RBFOX1: variants seen among roughly 807,000 people sequenced by gnomAD.
RBFOX1 encodes the protein RNA binding fox-1 homolog 1, also known as RNA binding protein fox-1 homolog 1.
A neutral mutation model predicts 57.7 loss-of-function variants in RBFOX1; 8 were observed. The observed-to-expected ratio is 0.14, with a 90% CI of 0.08 to 0.25. The LOEUF is 0.25. Ranked by LOEUF, RBFOX1 falls within the 10% of genes least tolerant of loss-of-function variation. The pLI, the probability that RBFOX1 is intolerant of heterozygous loss-of-function variation, is 1.00. For missense variants in RBFOX1, 611 were observed against 548.5 expected, an observed-to-expected ratio of 1.11 and a Z score of -1.14; for synonymous variants, 326 against 222.4, an observed-to-expected ratio of 1.47 and a Z score of -4.15.
At chr16:6,864,255 C>T (rs955265316) in intron 3 of RBFOX1, among the ~76,000 whole-genome samples, 3 of 152,072 alleles carry the variant, frequency 2.0e-5, no homozygotes, top group Non-Finnish European at 4.4e-5. Context: ...ATAACTCTTC[C>T]ACATTTAGAC....
intron 4 of RBFOX1, among the ~76,000 whole-genome samples, chr16:7,389,850 T>C (rs1339036244): frequency 2.0e-5 from 3 of 152,090 alleles, no homozygotes; most frequent in East Asian, 3.9e-4. Context: ...CCCTGCAAAA[T>C]CCATGAGTCC....
intron 4 of RBFOX1, among the ~76,000 whole-genome samples, chr16:7,215,366 C>T (rs1039796756): frequency 2.0e-5 from 3 of 152,166 alleles, no homozygotes; most frequent in African/African-American, 2.4e-5. Flanking sequence ...GACACCTGCA[C>T]ATGTATGTTT....
chr16:5,819,329 G>C (rs990493194), intron 3 of RBFOX1, among the ~76,000 whole-genome samples: 1 of 152,132 alleles, frequency 6.6e-6, no homozygotes. Flanking sequence ...CCTGTGACCT[G>C]ACCACCTCCC....
chr16:5,667,610 G>A (rs931546573), intron 3 of RBFOX1, among the ~76,000 whole-genome samples: 2 of 152,136 alleles, frequency 1.3e-5, no homozygotes, highest in Admixed American at 1.3e-4. Context: ...TATCTTGCTT[G>A]TATATTCGGG....
chr16:7,601,016 G>A (rs2094986433), intron 9 of RBFOX1, among the ~76,000 whole-genome samples: 1 of 152,140 alleles, frequency 6.6e-6, no homozygotes, highest in South Asian at 2.1e-4. Context: ...TGTTCTTTGG[G>A]GATCAAATGT....
chr16:6,853,573 T>C (rs116859716), intron 3 of RBFOX1, among the ~76,000 whole-genome samples: 1,796 of 151,962 alleles, frequency 0.012, 21 homozygotes, highest in Non-Finnish European at 0.019. Flanking sequence ...TGAGGGAGGT[T>C]AGCAAACGGA....
chr16:7,528,182 T>A (rs1228947767), intron 5 of RBFOX1, among the ~76,000 whole-genome samples: 1 of 152,222 alleles, frequency 6.6e-6, no homozygotes, highest in Non-Finnish European at 1.5e-5. Flanking sequence ...TAATGTTTCC[T>A]TAGGGGGCTT....
chr16:7,688,260 T>TGTGTGTGTGTGA (rs1319185243), intron 14 of RBFOX1, among the ~76,000 whole-genome samples: 8 of 125,296 alleles, frequency 6.4e-5, no homozygotes, highest in Non-Finnish European at 1.2e-4. Flanking sequence ...TGTGTGTGTG[T>TGTGTGTGTGTGA]GAGAGAGAGA....
chr16:7,538,253 T>A (rs1461487762), intron 5 of RBFOX1, among the ~76,000 whole-genome samples: 1 of 152,146 alleles, frequency 6.6e-6, no homozygotes, highest in Non-Finnish European at 1.5e-5. Context: ...CATGAGTCCT[T>A]CCGCCATCAA....
At chr16:5,587,934 A>G (rs2046886927) in intron 2 of RBFOX1, among the ~76,000 whole-genome samples, 1 of 152,138 alleles carries the variant, frequency 6.6e-6, no homozygotes, top group Non-Finnish European at 1.5e-5. Flanking sequence ...ATTATTTTTC[A>G]TAGCCAAAAG....
intron 4 of RBFOX1, among the ~76,000 whole-genome samples, chr16:7,413,451 CTT>C (rs955775672): frequency 3.2e-4 from 49 of 152,232 alleles, no homozygotes; most frequent in African/African-American, 1.1e-3. Flanking sequence ...GGCCCAGAAA[CTT>C]TGCATTTCTC....
chr16:5,579,103 C>A (rs2046572287), intron 2 of RBFOX1, among the ~76,000 whole-genome samples: 1 of 152,130 alleles, frequency 6.6e-6, no homozygotes, highest in Non-Finnish European at 1.5e-5. Context: ...CTGCCTCAGC[C>A]TCCCAAAGTG....
intron 4 of RBFOX1, among the ~76,000 whole-genome samples, chr16:7,097,211 A>G (rs1387886472): frequency 6.6e-6 from 1 of 152,102 alleles, no homozygotes; most frequent in African/African-American, 2.4e-5. Context: ...AGAGTTAGGA[A>G]ACTGCTATGA....
At chr16:6,598,238 C>A (rs1011764893) in intron 2 of RBFOX1, among the ~76,000 whole-genome samples, 2 of 152,154 alleles carry the variant, frequency 1.3e-5, no homozygotes, top group Non-Finnish European at 1.5e-5. Flanking sequence ...TTCTAACTTG[C>A]CTTTTTTTCA....
At chr16:5,545,912 T>C (rs1381212747) in intron 2 of RBFOX1, among the ~76,000 whole-genome samples, 1 of 152,162 alleles carries the variant, frequency 6.6e-6, no homozygotes, top group Non-Finnish European at 1.5e-5. Context: ...TAGCAAGATC[T>C]ATTATAAAAT....
At chr16:6,047,719 A>G (rs1259123150) in intron 1 of RBFOX1, among the ~76,000 whole-genome samples, 1 of 152,214 alleles carries the variant, frequency 6.6e-6, no homozygotes, top group Non-Finnish European at 1.5e-5. Context: ...TGACAGTGCC[A>G]TAGCCACTCT....
chr16:5,458,095 C>A (rs1284032903), intron 1 of RBFOX1, among the ~76,000 whole-genome samples: 2 of 152,160 alleles, frequency 1.3e-5, no homozygotes, highest in African/African-American at 4.8e-5. Flanking sequence ...AATCATTAAT[C>A]TCTTTACTAT....
At chr16:6,675,985 C>A (rs1399686085) in intron 3 of RBFOX1, among the ~76,000 whole-genome samples, 1 of 151,948 alleles carries the variant, frequency 6.6e-6, no homozygotes, top group Non-Finnish European at 1.5e-5. Context: ...TACGTGGACA[C>A]CAAGGGCGAT....
chr16:5,417,008 G>T (rs1243854252), intron 1 of RBFOX1, among the ~76,000 whole-genome samples: 1 of 152,194 alleles, frequency 6.6e-6, no homozygotes, highest in Non-Finnish European at 1.5e-5. Context: ...ATGAAAAAGT[G>T]TAGAGAGAGC....
Sources: allele counts gnomAD v4.1 joint callset (sites outside exome capture counted in the v4.1 genomes callset), GRCh38; gene constraint gnomAD v4.1.1; transcripts MANE v1.5; gene names NCBI Gene and HGNC (gene_info 2026-07-23, HGNC 2026-07-21).